Variants in CAPN15 observed in about 807,000 individuals in gnomAD.
CAPN15 encodes calpain-15.
Under a neutral mutation model 97.9 loss-of-function variants are expected in CAPN15, and 53 were observed. That is an observed-to-expected ratio of 0.54 (90% CI 0.43 to 0.68). The LOEUF is 0.68. Ranked by LOEUF, CAPN15 falls within the 30% of genes least tolerant of loss-of-function variation. CAPN15 has a pLI of 0.00. For synonymous variants in CAPN15, 922 were observed against 722.5 expected (o/e 1.28, Z -4.43); for missense variants, 1,592 against 1,589.8 (o/e 1.00, Z -0.02).
At chr16:545,386 G>A (rs949433388) in intron 3 of CAPN15, among the ~76,000 whole-genome samples, 1 of 152,102 alleles carries the variant, frequency 6.6e-6, no homozygotes, top group African/African-American at 2.4e-5. Context: ...CCCACCGAGA[G>A]AGGCCGGCAC....
chr16:551,203 TCCCCA>T lies in CAPN15; in HGVS notation c.2067-98_2067-94del, dbSNP rs1567158025. On this transcript the variant is annotated intron_variant, in intron 7 of 13. Transcript: ENST00000219611. ...CGGTGAGGGCCCCGGTCGGTGAGGG[TCCCCA>T]GTCGGTGAGGGTCCCGGTCAGTGAG... is the stretch of plus-strand genomic sequence containing the variant. 9.2e-6 allele frequency: 12 copies of T among 1,305,844 alleles called. No homozygotes were observed. The African/African-American group carries it at 3.2e-4, about 35-fold the overall frequency. The allele number at this position is 1,305,844 out of a possible 1,614,324, so 80.9% of individuals were successfully genotyped here. A position where few individuals can be genotyped will look rare whatever the true frequency, so the allele number is the denominator to read the frequency against.
At position 552,684 on chromosome 16, in the gene CAPN15, G is replaced by A. The variant is rs769203368; in HGVS notation, c.2817G>A (p.Leu939=). The change falls in exon 12 of 14, where the codon CTG becomes CTA. Residue 939 remains leucine (L), a synonymous_variant. Coordinates refer to ENST00000219611, the MANE Select transcript of CAPN15 (RefSeq NM_005632.3). This position sits in a 1 kb window ranked among gnomAD's most constrained non-coding sequence, Gnocchi z 6.4. The part of the protein sequence containing the change: ...GHVLAVYSSR[L]VMVEPVEAQP... ...TGCTGGCTGTGTACAGCTCGAGGCTGGTCATGGTGGAGCCCGTGGAAGCCC... is the reference window on the plus strand; with the variant it reads ...TGCTGGCTGTGTACAGCTCGAGGCTAGTCATGGTGGAGCCCGTGGAAGCCC... 47 of 1,544,360 alleles carry A rather than the reference G, an allele frequency of 3.0e-5. No individual in the cohort carries two copies. Among genetic ancestry groups the A allele is most frequent in the Non-Finnish European group, 3.7e-5 (42 of 1,146,120 alleles).
At chr16:550,599 C>G (rs2034919857) in intron 7 of CAPN15, among the ~76,000 whole-genome samples, 1 of 152,116 alleles carries the variant, frequency 6.6e-6, no homozygotes, top group Admixed American at 6.5e-5. Context: ...GGTGAGGGCC[C>G]CACTCAGCCA....
In CAPN15 at chr16:549,106, C is replaced by G; in HGVS notation, c.1563C>G (p.Ile521Met). ...RVRQWLRPQE[I>M]NCSVFRDHRA... is the part of the protein sequence containing the mutation. ...GGCAGTGGCTGCGACCCCAGGAGAT[C>G]AACTGCTCCGTCTTCAGGGACCACA... is the stretch of plus-strand genomic sequence containing the variant. Residue 521 changes from isoleucine (I) to methionine (M), a missense_variant, in exon 5 of 14, where the codon ATC becomes ATG. This residue lies in a region of CAPN15 where 883 missense variants were observed against 776.6 expected (regional missense o/e 1.14). Transcript: ENST00000219611. 1.2e-6 allele frequency: 2 copies of G among 1,612,542 alleles called. No individual in the cohort carries two copies. The highest frequency in any genetic ancestry group is 1.7e-6 in the Non-Finnish European group (2 of 1,179,954).
In CAPN15 at chr16:548,103, C is replaced by A; in HGVS notation, c.1265C>A (p.Thr422Asn). The A allele has an allele frequency of 1.3e-6, 2 of 1,540,120 alleles. No individual in the cohort carries two copies. The highest frequency in any genetic ancestry group is 8.7e-7 in the Non-Finnish European group (1 of 1,143,814). ...GGCCAGTGGGCCTGCCCTGCCTGTA[C>A]CCTGCTCAACGCACTGCGGGCCAAG... ...RPGQWACPAC[T>N]LLNALRAKHC... Residue 422 changes from threonine to asparagine, a missense_variant, in exon 4 of 14, where the codon ACC becomes AAC. Physicochemically the swap from Thr to Asn is moderately conservative, Grantham distance 65. Around this residue, in one of 3 missense-constraint regions of CAPN15, gnomAD observed 883 missense variants for 776.6 expected, o/e 1.14. Transcript: ENST00000219611.
At chr16:531,494 C>T (rs1048939961) in intron 1 of CAPN15, among the ~76,000 whole-genome samples, 5 of 152,022 alleles carry the variant, frequency 3.3e-5, no homozygotes, top group Admixed American at 1.3e-4. Flanking sequence ...TTGGAGCTTT[C>T]TGGAGTTCCT....
chr16:551,791 C>A, intron 9 of CAPN15, 127 bp downstream of exon 9: 1 of 1,251,142 alleles, frequency 8.0e-7, no homozygotes, highest in Non-Finnish European at 1.1e-6. Context: ...CCAAATGGGA[C>A]CTGGAGCTTC....
At chr16:551,915 G>A (rs996805707) in intron 9 of CAPN15, 136 bp from the exon 10 acceptor site, 3 of 1,097,724 alleles carry the variant, frequency 2.7e-6, no homozygotes, top group Non-Finnish European at 2.7e-6. Flanking sequence ...TGGGCCCCCG[G>A]GGGCCGGGCT....
At chr16:542,558 C>T (rs1029370675) in intron 3 of CAPN15, among the ~76,000 whole-genome samples, 5 of 152,142 alleles carry the variant, frequency 3.3e-5, no homozygotes, top group Admixed American at 1.3e-4. Context: ...CCTGTCTCAT[C>T]CACCCGTGCC....
In CAPN15 at chr16:527,928, G is replaced by C. The variant is rs1389268712; in HGVS notation, c.-291G>C. The C allele has an allele frequency of 6.8e-6, 1 of 146,256 alleles. No individual in the cohort carries two copies. The highest frequency in any genetic ancestry group is 1.5e-5 in the Non-Finnish European group (1 of 65,706). The allele number at this position is 146,256 out of a possible 1,614,324, so 9.1% of individuals were successfully genotyped here. A position where few individuals can be genotyped will look rare whatever the true frequency, so the allele number is the denominator to read the frequency against. On this transcript the variant is annotated 5_prime_UTR_variant, in exon 1 of 14. Coordinates refer to ENST00000219611, the MANE Select transcript of CAPN15 (RefSeq NM_005632.3). ...GCGAGAGGGGCCCCGCCGCTCTCCG[G>C]AGGCAGAAGTTGTGGATCGGCCGGC...
At chr16:541,785 G>C (rs1225264145) in intron 3 of CAPN15, among the ~76,000 whole-genome samples, 1 of 152,278 alleles carries the variant, frequency 6.6e-6, no homozygotes, top group Non-Finnish European at 1.5e-5. Flanking sequence ...CTCAGCCCCA[G>C]ACGGCCACTG....
chr16:546,944 A>C lies in CAPN15; in HGVS notation c.106A>C (p.Asn36His). Residue 36 changes from asparagine (N) to histidine (H), a missense_variant, in exon 4 of 14, where the codon AAC becomes CAC. Coordinates refer to ENST00000219611, the MANE Select transcript of CAPN15 (RefSeq NM_005632.3). ...GGCTCCCCGGCACAAGCCCGACCTC[A>C]ACCACATCCTGCGGCTCAGCGTGGA... is the stretch of plus-strand genomic sequence containing the variant. The part of the protein sequence containing the change: ...CEAPRHKPDL[N>H]HILRLSVEEQ... 6.2e-7 allele frequency: 1 copy of C among 1,610,790 alleles called. No homozygotes were observed. The highest frequency in any genetic ancestry group is 8.5e-7 in the Non-Finnish European group (1 of 1,179,882).
Position 551,617 on chromosome 16 carries a change from C to G in CAPN15, c.2298C>G (p.His766Gln). Reference protein sequence around the residue: ...PGHLRGELMPHGSSEGVFWME... With the variant: ...PGHLRGELMPQGSSEGVFWME... ...ACCTGCGTGGCGAGCTCATGCCGCACGGCAGCAGTGAGGGTGTCTTCTGGA... is the reference window on the plus strand; with the variant it reads ...ACCTGCGTGGCGAGCTCATGCCGCAGGGCAGCAGTGAGGGTGTCTTCTGGA... The change falls in exon 9 of 14, where the codon CAC (histidine) becomes CAG (glutamine). Residue 766 changes from histidine (H) to glutamine (Q), a missense_variant. Transcript: ENST00000219611. 2 of 1,606,448 alleles carry G rather than the reference C, an allele frequency of 1.2e-6. No individual in the cohort carries two copies. Among genetic ancestry groups the G allele is most frequent in the Non-Finnish European group, 1.7e-6 (2 of 1,178,476 alleles).
In CAPN15 at chr16:554,531, G is replaced by C. The variant is rs760888267; in HGVS notation, c.*1015G>C. On this transcript the variant is annotated 3_prime_UTR_variant, in exon 14 of 14. Transcript: ENST00000219611. ...AAATACGGCCAGCTCTTGTGACACA[G>C]AGACTATTTTATCAATTGTCAGTCC... is the stretch of plus-strand genomic sequence containing the variant. 11 of 456,118 alleles carry C rather than the reference G, an allele frequency of 2.4e-5. No homozygotes were observed. Among genetic ancestry groups the C allele is most frequent in the South Asian group, 1.5e-4 (10 of 64,568 alleles). 28.3% of individuals were successfully genotyped at this position (456,118 alleles called of 1,614,324 possible). A position where few individuals can be genotyped will look rare whatever the true frequency, so the allele number is the denominator to read the frequency against.
intron 3 of CAPN15, among the ~76,000 whole-genome samples, chr16:545,866 C>T (rs1473939226): frequency 1.3e-5 from 2 of 152,248 alleles, no homozygotes; most frequent in Admixed American, 6.5e-5. Context: ...TGGGCTGTGC[C>T]GCCTCGGCAG....
In CAPN15 at chr16:549,415, G is replaced by A; in HGVS notation, c.1786G>A (p.Val596Met). 2 of 1,599,826 alleles carry A rather than the reference G, an allele frequency of 1.3e-6. No homozygotes were observed. Among genetic ancestry groups the A allele is most frequent in the Non-Finnish European group, 1.7e-6 (2 of 1,178,798 alleles). Residue 596 changes from valine (V) to methionine (M), a missense_variant, in exon 6 of 14, where the codon GTG (valine) becomes ATG (methionine). This residue lies in a region of CAPN15 where 65 missense variants were observed against 113.7 expected (regional missense o/e 0.57). Transcript: ENST00000219611. ...RLCKDGTWTT[V>M]LVDDMLPCDE... Reference sequence around the variant, plus strand: ...GTGCAAGGACGGCACGTGGACCACGGTGCTGGTGGACGACATGCTGCCCTG... The same window carrying A: ...GTGCAAGGACGGCACGTGGACCACGATGCTGGTGGACGACATGCTGCCCTG...
intron 1 of CAPN15, among the ~76,000 whole-genome samples, chr16:531,420 CT>C (rs2033243035): frequency 6.6e-6 from 1 of 152,142 alleles, no homozygotes; most frequent in African/African-American, 2.4e-5. Context: ...CCTTCTGCCC[CT>C]GCCTGATCCC....
intron 3 of CAPN15, chr16:536,995 C>A: frequency 5.5e-6 from 2 of 364,438 alleles, no homozygotes; most frequent in Non-Finnish European, 7.6e-6. Flanking sequence ...GGGCTCTTGA[C>A]TCCTCTGGCA....
chr16:544,797 T>C lies in CAPN15; in HGVS notation c.-22-2020T>C, dbSNP rs187397211. Among the ~76,000 whole-genome samples, 60 of 14,058 alleles carry C rather than the reference T, an allele frequency of 4.3e-3. 2 individuals carry two copies. Among genetic ancestry groups the C allele is most frequent in the African/African-American group, 0.016 (30 of 1,872 alleles). 9.2% of individuals were successfully genotyped at this position (14,058 alleles called of 152,430 possible). On this transcript the variant is annotated intron_variant, in intron 3 of 13. Coordinates refer to ENST00000219611, the MANE Select transcript of CAPN15 (RefSeq NM_005632.3). ...CCACGTCGTCTCCCCCACGTCGTCG[T>C]CTCCCCCACGTCGCCTCCCCCACGT...
Sources: allele counts gnomAD v4.1 joint callset (sites outside exome capture counted in the v4.1 genomes callset), GRCh38; gene constraint gnomAD v4.1.1; regional missense constraint gnomAD v4.1.1; non-coding constraint Gnocchi (gnomAD v3.1); transcripts MANE v1.5; gene names NCBI Gene and HGNC (gene_info 2026-07-23, HGNC 2026-07-21).